The following DYNLRB1 variants were observed in gnomAD, a reference collection of about 807,000 sequenced individuals.
The protein encoded by DYNLRB1 is dynein light chain roadblock-type 1.
Under a neutral mutation model 13.5 loss-of-function variants are expected in DYNLRB1, and 6 were observed. That is an observed-to-expected ratio of 0.44 (90% confidence interval 0.24 to 0.88). DYNLRB1 has a LOEUF of 0.88. Ranked by LOEUF, DYNLRB1 falls within the 40% of genes least tolerant of loss-of-function variation. DYNLRB1 has a pLI of 0.21. For synonymous variants in DYNLRB1, 43 were observed against 45.0 expected, an observed-to-expected ratio of 0.96 and a Z score of 0.18; for missense variants, 93 against 127.2, an observed-to-expected ratio of 0.73 and a Z score of 1.29.
intron 1 of DYNLRB1, chr20:34,516,695 C>A: frequency 6.6e-7 from 1 of 1,505,126 alleles, no homozygotes; most frequent in Non-Finnish European, 8.9e-7. Flanking sequence ...AAGCGGGAGC[C>A]CAGCCTCGGC....
intron 2 of DYNLRB1, among the ~76,000 whole-genome samples, chr20:34,528,876 A>C (rs2146635636): frequency 6.6e-6 from 1 of 152,262 alleles, no homozygotes; most frequent in East Asian, 1.9e-4. Context: ...CAGGATGCTA[A>C]GACAGGAGGA....
At chr20:34,522,387 A>G (rs1337541540) in intron 1 of DYNLRB1, among the ~76,000 whole-genome samples, 1 of 145,252 alleles carries the variant, frequency 6.9e-6, no homozygotes, top group Non-Finnish European at 1.6e-5. Context: ...TAGGGAAATT[A>G]TACCTATGTG....
chr20:34,530,517 G>C (rs953835740), intron 2 of DYNLRB1: 1 of 156,132 alleles, frequency 6.4e-6, no homozygotes, highest in African/African-American at 2.4e-5. Context: ...CCCATTCTCA[G>C]GGCCCCCACA....
At chr20:34,539,984 A>G (rs1568605695) in intron 3 of DYNLRB1, among the ~76,000 whole-genome samples, 1 of 151,868 alleles carries the variant, frequency 6.6e-6, no homozygotes, top group South Asian at 2.1e-4. Context: ...AGGGGAAAAA[A>G]AGAGAGAGAG....
At chr20:34,525,188 C>A (rs956625599) in intron 1 of DYNLRB1, among the ~76,000 whole-genome samples, 3 of 152,078 alleles carry the variant, frequency 2.0e-5, no homozygotes, top group East Asian at 1.9e-4. Flanking sequence ...GATCCCCCCC[C>A]CCATTTCTTT....
intron 3 of DYNLRB1, chr20:34,535,244 C>G: frequency 1.0e-6 from 1 of 985,420 alleles, no homozygotes; most frequent in Non-Finnish European, 1.2e-6. Context: ...GATTCTTCTC[C>G]AAAATGTAAA....
intron 1 of DYNLRB1, chr20:34,516,952 C>G: frequency 7.4e-7 from 1 of 1,354,722 alleles, no homozygotes; most frequent in African/African-American, 1.5e-5. Context: ...TGCTTTGCCC[C>G]AGGAAATAGT....
rs116435889 is a variant in DYNLRB1 at position 34,532,491 on chromosome 20, G to A, written c.80-2137G>A. Among the ~76,000 whole-genome samples the A allele has an allele frequency of 4.2e-3, 632 of 152,282 alleles. 14 individuals carry two copies. Among genetic ancestry groups the A allele is most frequent in the African/African-American group, 0.014 (572 of 41,552 alleles). Reference sequence around the variant, plus strand: ...TGCTGGGTGGCAAGAAACTGGCCCAGTCTTGTTTTCTTAGGCCCCCAGGAA... The same window carrying A: ...TGCTGGGTGGCAAGAAACTGGCCCAATCTTGTTTTCTTAGGCCCCCAGGAA... On this transcript the variant is annotated intron_variant, in intron 2 of 3. Transcript: ENST00000357156.
chr20:34,529,839 A>C (rs1482915898), intron 2 of DYNLRB1: 1 of 1,505,922 alleles, frequency 6.6e-7, no homozygotes, highest in Admixed American at 2.3e-5. Context: ...CCATGTGGTC[A>C]TTTCATTTAC....
At chr20:34,521,390 T>A (rs191490876) in intron 1 of DYNLRB1, among the ~76,000 whole-genome samples, 272 of 152,318 alleles carry the variant, frequency 1.8e-3, no homozygotes, top group African/African-American at 6.3e-3. Context: ...TTTCTACTAG[T>A]ATTCTTTTGT....
intron 1 of DYNLRB1, among the ~76,000 whole-genome samples, chr20:34,520,996 C>T (rs1404089899): frequency 1.3e-5 from 2 of 152,072 alleles, no homozygotes; most frequent in Admixed American, 1.3e-4. Flanking sequence ...AAAAATAAAC[C>T]TCAGCATTGC....
chr20:34,530,944 T>A (rs1980671417), intron 2 of DYNLRB1: 1 of 152,238 alleles, frequency 6.6e-6, no homozygotes, highest in Non-Finnish European at 1.5e-5. Context: ...CCACTGCCTT[T>A]TGACATCTCT....
At position 34,530,146 on chromosome 20, in the gene DYNLRB1, A is replaced by G. The variant is rs914962144; in HGVS notation, c.79+3803A>G. ...CCCCAGGCTTCCACATGAACTCACAAAGGAGAGGCCCTCATTCTTGCCTTA... is the reference window on the plus strand; with the variant it reads ...CCCCAGGCTTCCACATGAACTCACAGAGGAGAGGCCCTCATTCTTGCCTTA... On this transcript the variant is annotated intron_variant, in intron 2 of 3. Transcript: ENST00000357156. The G allele has an allele frequency of 6.6e-6, 8 of 1,217,402 alleles. No homozygotes were observed. The East Asian group carries it at 2.3e-4, about 35-fold the overall frequency. 75.4% of individuals were successfully genotyped at this position (1,217,402 alleles called of 1,614,324 possible). A position where few individuals can be genotyped will look rare whatever the true frequency, so the allele number is the denominator to read the frequency against.
At chr20:34,515,934 G>A (rs975099683), upstream of DYNLRB1, among the ~76,000 whole-genome samples, 1 of 152,058 alleles carries the variant, frequency 6.6e-6, no homozygotes, top group Middle Eastern at 3.2e-3. Context: ...TTGCTCTGTC[G>A]CCCAGGCTGG....
chr20:34,540,367 G>C (rs769243999), intron 3 of DYNLRB1, among the ~76,000 whole-genome samples: 12 of 152,216 alleles, frequency 7.9e-5, no homozygotes, highest in Non-Finnish European at 1.2e-4. Context: ...CCGCTGCCCG[G>C]TATGGGGAGG....
At chr20:34,516,671 T>A (rs1223230010) in intron 1 of DYNLRB1, 2 of 1,476,990 alleles carry the variant, frequency 1.4e-6, no homozygotes, top group Non-Finnish European at 1.8e-6. Flanking sequence ...CGGATCCCGC[T>A]GCCCCTTGAC....
At chr20:34,516,576 G>C in intron 1 of DYNLRB1, 115 bp downstream of exon 1, 3 of 1,548,792 alleles carry the variant, frequency 1.9e-6, no homozygotes, top group Non-Finnish European at 2.6e-6. Context: ...GGTGGTGGCT[G>C]GGCGTGGCCG....
intron 1 of DYNLRB1, among the ~76,000 whole-genome samples, chr20:34,517,515 CATTT>C (rs1415097285): frequency 2.6e-5 from 4 of 151,598 alleles, no homozygotes; most frequent in Non-Finnish European, 4.4e-5. Context: ...TAGTTGTACA[CATTT>C]ATGTTGTAGA....
At chr20:34,535,062 G>A in intron 3 of DYNLRB1, 2 of 1,302,542 alleles carry the variant, frequency 1.5e-6, no homozygotes, top group South Asian at 1.7e-5. Context: ...TTCCTTGATA[G>A]GAGAAAACTC....
Sources: allele counts gnomAD v4.1 joint callset (sites outside exome capture counted in the v4.1 genomes callset), GRCh38; gene constraint gnomAD v4.1.1; transcripts MANE v1.5; gene names NCBI Gene and HGNC (gene_info 2026-07-23, HGNC 2026-07-21).